IL1RAPL1: variants seen among roughly 807,000 people sequenced by gnomAD.
IL1RAPL1 encodes interleukin 1 receptor accessory protein like 1.
A neutral mutation model predicts 48.4 loss-of-function variants in IL1RAPL1; 3 were observed. The observed-to-expected ratio is 0.06, with a 90% CI of 0.03 to 0.16. IL1RAPL1 has a LOEUF of 0.16. IL1RAPL1 is among the 10% of genes least tolerant of loss of function. IL1RAPL1 has a pLI of 1.00. For missense variants in IL1RAPL1, 349 were observed against 530.6 expected (o/e 0.66, Z 3.36); for synonymous variants, 185 against 187.7 (o/e 0.99, Z 0.12).
intron 2 of IL1RAPL1, among the ~76,000 whole-genome samples, chrX:29,239,059 A>T (rs1191952417): frequency 8.9e-6 from 1 of 112,587 alleles, no homozygotes; most frequent in African/African-American, 3.2e-5. Flanking sequence ...ATATTTCTCT[A>T]GATTTTAAAA....
chrX:29,508,414 T>A (rs1178032374), intron 5 of IL1RAPL1, among the ~76,000 whole-genome samples: 1 of 112,013 alleles, frequency 8.9e-6, no homozygotes, highest in Non-Finnish European at 1.9e-5. Context: ...GGTTACTGAA[T>A]GAAAATAATT....
At chrX:29,031,210 T>C (rs781320272) in intron 2 of IL1RAPL1, among the ~76,000 whole-genome samples, 2 of 112,470 alleles carry the variant, frequency 1.8e-5, no homozygotes, top group Non-Finnish European at 3.8e-5. Context: ...TTTATGATAG[T>C]GTCCCTTGGA....
rs747889796 is a variant in IL1RAPL1, at chrX:29,737,295, G to A, written c.778+68791G>A. ...TAAGGGTACACAATCAAGATGGTTT[G>A]TAGACCATTGCTCTAGAGGATAGAG... On this transcript the variant is annotated intron_variant, in intron 6 of 10. Transcript: ENST00000378993. 3.6e-5 allele frequency among the ~76,000 whole-genome samples: 4 copies of A among 111,657 alleles called. No individual in the cohort carries two copies. In the East Asian group the frequency reaches 1.1e-3, roughly 31 times the overall value.
rs758298248 is a variant in IL1RAPL1, at chrX:28,980,919, T to G, written c.82+191494T>G. On this transcript the variant is annotated intron_variant, in intron 2 of 10. Transcript: ENST00000378993. ...GTCTGGGCAACATAGCAAGATCATG[T>G]CTCTACTAAAAATTAAAAAAAATTA... Among the ~76,000 whole-genome samples, 25 of 104,908 alleles carry G rather than the reference T, an allele frequency of 2.4e-4. No homozygotes were observed. The Admixed American group carries it at 2.4e-3, about 10-fold the overall frequency. 91.1% of individuals were successfully genotyped at this position (104,908 alleles called of 115,157 possible).
At chrX:28,950,838 C>T (rs765873349) in intron 2 of IL1RAPL1, among the ~76,000 whole-genome samples, 1 of 108,734 alleles carries the variant, frequency 9.2e-6, no homozygotes, top group African/African-American at 3.4e-5. Flanking sequence ...TTTATTGCGG[C>T]ACTATTCACA....
In IL1RAPL1 at chrX:29,374,313, T is replaced by A. The variant is rs1189288744; in HGVS notation, c.363-21945T>A. 4.2e-3 allele frequency among the ~76,000 whole-genome samples: 224 copies of A among 53,371 alleles called. 2 individuals carry two copies. Among genetic ancestry groups the A allele is most frequent in the African/African-American group, 0.01 (162 of 15,875 alleles). The allele number at this position is 53,371 out of a possible 115,157, so 46.3% of individuals were successfully genotyped here. A position where few individuals can be genotyped will look rare whatever the true frequency, so the allele number is the denominator to read the frequency against. On this transcript the variant is annotated intron_variant, in intron 3 of 10. Coordinates refer to ENST00000378993, the MANE Select transcript of IL1RAPL1 (RefSeq NM_014271.4). ...TTTTTTTTTTTTTTTTTTTTTTTTT[T>A]AACATTGAGGAGGTTATTTTATTTT...
chrX:29,529,779 G>A (rs960466885), intron 5 of IL1RAPL1, among the ~76,000 whole-genome samples: 8 of 110,734 alleles, frequency 7.2e-5, no homozygotes. Flanking sequence ...ATACTCTCGT[G>A]GTTCAGAAAA....
At chrX:29,239,186 TA>T (rs1283473727) in intron 2 of IL1RAPL1, among the ~76,000 whole-genome samples, 1 of 111,957 alleles carries the variant, frequency 8.9e-6, no homozygotes, top group African/African-American at 3.2e-5. Context: ...TGGTCTGTGT[TA>T]AAATTTATAG....
chrX:28,958,341 G>A (rs1924673049), intron 2 of IL1RAPL1, among the ~76,000 whole-genome samples: 1 of 111,573 alleles, frequency 9.0e-6, no homozygotes, highest in Non-Finnish European at 1.9e-5. Context: ...AGTAGAACAT[G>A]AATTTGAATG....
At chrX:29,814,784 ATTC>A (rs1930457026) in intron 6 of IL1RAPL1, among the ~76,000 whole-genome samples, 1 of 111,918 alleles carries the variant, frequency 8.9e-6, no homozygotes, top group Non-Finnish European at 1.9e-5. Context: ...ATCCAGTTTC[ATTC>A]TTCTGTGTAT....
intron 6 of IL1RAPL1, among the ~76,000 whole-genome samples, chrX:29,676,987 A>G (rs942738305): frequency 4.5e-5 from 5 of 112,337 alleles, no homozygotes; most frequent in Non-Finnish European, 7.5e-5. Flanking sequence ...TTTATCAGAA[A>G]TAAACCTATC....
At chrX:29,951,942 TA>T (rs1394529576) in intron 9 of IL1RAPL1, among the ~76,000 whole-genome samples, 1 of 111,675 alleles carries the variant, frequency 9.0e-6, no homozygotes, top group Non-Finnish European at 1.9e-5. Context: ...AGGATATTTT[TA>T]AGGGAAAGTG....
chrX:29,401,881 G>T (rs1391362480), intron 5 of IL1RAPL1, among the ~76,000 whole-genome samples: 1 of 110,048 alleles, frequency 9.1e-6, no homozygotes, highest in East Asian at 2.8e-4. Flanking sequence ...CAGCACTTTT[G>T]GTATTTTAAA....
At chrX:29,780,782 AAAT>A (rs1317969377) in intron 6 of IL1RAPL1, among the ~76,000 whole-genome samples, 1 of 111,784 alleles carries the variant, frequency 8.9e-6, no homozygotes, top group Non-Finnish European at 1.9e-5. Context: ...CTAGCATTAT[AAAT>A]AATAATCATA....
At chrX:29,736,555 A>G (rs1329254038) in intron 6 of IL1RAPL1, among the ~76,000 whole-genome samples, 1 of 111,732 alleles carries the variant, frequency 8.9e-6, no homozygotes, top group African/African-American at 3.3e-5. Flanking sequence ...GTGAAACCCC[A>G]TGTCTACTAA....
chrX:28,616,400 G>T (rs777350000), intron 1 of IL1RAPL1, among the ~76,000 whole-genome samples: 4 of 110,624 alleles, frequency 3.6e-5, no homozygotes, highest in South Asian at 3.8e-4. Context: ...ATTTAAAAGC[G>T]TGAAGGTTTC....
At chrX:29,114,048 A>AT (rs1928627928) in intron 2 of IL1RAPL1, among the ~76,000 whole-genome samples, 2 of 111,225 alleles carry the variant, frequency 1.8e-5, no homozygotes, top group Non-Finnish European at 3.8e-5. Context: ...TTTTCCATTT[A>AT]TGTTCACAAG....
intron 2 of IL1RAPL1, among the ~76,000 whole-genome samples, chrX:28,812,946 T>C (rs1456897885): frequency 9.0e-6 from 1 of 111,172 alleles, no homozygotes; most frequent in Admixed American, 9.6e-5. Context: ...ACTTGTTTAA[T>C]GTTCCACTGT....
At chrX:28,665,013 G>A (rs968430179) in intron 1 of IL1RAPL1, among the ~76,000 whole-genome samples, 2 of 111,718 alleles carry the variant, frequency 1.8e-5, no homozygotes, top group African/African-American at 3.3e-5. Context: ...CATTTAGTTC[G>A]GGGACAAAAT....
Sources: allele counts gnomAD v4.1 joint callset (sites outside exome capture counted in the v4.1 genomes callset), GRCh38; gene constraint gnomAD v4.1.1; transcripts MANE v1.5; gene names NCBI Gene and HGNC (gene_info 2026-07-23, HGNC 2026-07-21).